The following ANK3 variants were observed in gnomAD, a reference collection of about 807,000 sequenced individuals.
The protein encoded by ANK3 is ankyrin-3.
Under a neutral mutation model 370.9 loss-of-function variants are expected in ANK3, and 57 were observed. That is an observed-to-expected ratio of 0.15 (90% CI 0.12 to 0.19). ANK3 has a LOEUF of 0.19. Ranked by LOEUF, ANK3 falls within the 10% of genes least tolerant of loss-of-function variation. The pLI is 1.00. For synonymous variants in ANK3, 1,929 were observed against 1,946.3 expected, an observed-to-expected ratio of 0.99 and a Z score of 0.23; for missense variants, 4,439 against 5,302.1, an observed-to-expected ratio of 0.84 and a Z score of 5.06.
At chr10:60,270,619 G>A (rs2097959029) in intron 4 of ANK3, among the ~76,000 whole-genome samples, 1 of 152,072 alleles carries the variant, frequency 6.6e-6, no homozygotes, top group South Asian at 2.1e-4. Context: ...AACACATTTA[G>A]TCACTGTAGC....
At chr10:60,513,899 T>A (rs531011733) in intron 2 of ANK3, among the ~76,000 whole-genome samples, 2 of 152,240 alleles carry the variant, frequency 1.3e-5, no homozygotes, top group Admixed American at 1.3e-4. Flanking sequence ...CGGACCTTTT[T>A]CAATAAAAGT....
intron 1 of ANK3, among the ~76,000 whole-genome samples, chr10:60,633,288 T>C (rs1316289459): frequency 2.0e-5 from 3 of 152,116 alleles, no homozygotes; most frequent in Non-Finnish European, 4.4e-5. Flanking sequence ...GCACATTAAA[T>C]AATGCAGAAA....
chr10:60,141,559 C>CTT (rs2094555559), intron 23 of ANK3, among the ~76,000 whole-genome samples: 4 of 61,158 alleles, frequency 6.5e-5, no homozygotes, highest in East Asian at 9.9e-4. Flanking sequence ...ATTTCAATTG[C>CTT]TGTTTTTTTT....
rs1367139240 is a variant in ANK3, at chr10:60,134,360, T to C, written c.2752A>G (p.Ser918Gly). 6.2e-7 allele frequency: 1 copy of C among 1,613,260 alleles called. No individual in the cohort carries two copies. The highest frequency in any genetic ancestry group is 8.5e-7 in the Non-Finnish European group (1 of 1,179,646). ...TTCAAGGTGTAAGACCTATCCGAAC[T>C]GAAGGAGCGGAGGCTGTTGTATTTA... ...GARSASLRSF[S>G]SDRSYTLNRS... Residue 918 changes from serine to glycine, a missense_variant, in exon 25 of 44, where the codon AGT (serine) becomes GGT (glycine). Coordinates refer to ENST00000280772, the MANE Select transcript of ANK3 (RefSeq NM_020987.5).
At chr10:60,180,203 A>G (rs2096115199) in intron 18 of ANK3, among the ~76,000 whole-genome samples, 1 of 152,196 alleles carries the variant, frequency 6.6e-6, no homozygotes, top group Non-Finnish European at 1.5e-5. Context: ...AGTTACTTCA[A>G]TATGCCCATA....
intron 1 of ANK3, among the ~76,000 whole-genome samples, chr10:60,376,053 C>T (rs952678449): frequency 1.3e-5 from 2 of 152,092 alleles, no homozygotes; most frequent in South Asian, 4.2e-4. Context: ...GGCACAGGGG[C>T]TCAGAGAGCT....
chr10:60,400,024 GTGTGTGT>G (rs1192888810), intron 2 of ANK3, among the ~76,000 whole-genome samples: 1 of 62,242 alleles, frequency 1.6e-5, no homozygotes, highest in Admixed American at 1.4e-4. Context: ...GTGTGTGTGT[GTGTGTGT>G]GTGTGTGTGT....
rs1244621699 is a variant in ANK3, at chr10:60,028,855, GTTATT to G, written c.*986_*990del. 1 of 151,016 alleles carries G rather than the reference GTTATT, an allele frequency of 6.6e-6. No individual in the cohort carries two copies. The highest frequency in any genetic ancestry group is 2.5e-5 in the African/African-American group (1 of 40,746). 9.4% of individuals were successfully genotyped at this position (151,016 alleles called of 1,614,324 possible). On this transcript the variant is annotated 3_prime_UTR_variant, in exon 44 of 44. Transcript: ENST00000280772. ...ACCCCCTAAAGCAACTACCGTATAG[GTTATT>G]TTTTTTTGTTGTTTTTAGGTCATTT... is the stretch of plus-strand genomic sequence containing the variant.
chr10:60,635,157 T>C (rs189590647), intron 1 of ANK3, among the ~76,000 whole-genome samples: 1 of 152,040 alleles, frequency 6.6e-6, no homozygotes, highest in Admixed American at 6.5e-5. Flanking sequence ...TTTATTTCAG[T>C]TTTCTTAACT....
intron 2 of ANK3, among the ~76,000 whole-genome samples, chr10:60,439,095 C>T (rs1441577991): frequency 6.6e-6 from 1 of 152,028 alleles, no homozygotes; most frequent in Non-Finnish European, 1.5e-5. Flanking sequence ...AGAGCTATTC[C>T]AAAGCTGCAG....
intron 1 of ANK3, among the ~76,000 whole-genome samples, chr10:60,348,347 CAAAA>C (rs35147179): frequency 0.035 from 2,406 of 68,172 alleles, 64 homozygotes; most frequent in Middle Eastern, 0.092. Context: ...TATCACTAGC[CAAAA>C]AAAAAAAAAA....
At chr10:60,563,629 C>T (rs1027953132) in intron 2 of ANK3, among the ~76,000 whole-genome samples, 1 of 152,066 alleles carries the variant, frequency 6.6e-6, no homozygotes, top group Non-Finnish European at 1.5e-5. Context: ...GGTTTTGCTA[C>T]CAAATGTGCT....
chr10:60,191,793 G>A (rs770914246), intron 16 of ANK3, among the ~76,000 whole-genome samples: 4 of 152,120 alleles, frequency 2.6e-5, no homozygotes, highest in South Asian at 2.1e-4. Flanking sequence ...ACTTGCACTC[G>A]TATGTTCATT....
In ANK3 at chr10:60,072,930, G is replaced by C. The variant is rs2083029348; in HGVS notation, c.7951C>G (p.Gln2651Glu). 6.2e-7 allele frequency: 1 copy of C among 1,613,968 alleles called. No individual in the cohort carries two copies. ...ASNDEWVKAR[Q>E]HGPDGQGFPK... The stretch of plus-strand genomic sequence containing the variant: ...AAGCCTTGTCCATCAGGGCCATGCT[G>C]TCTTGCCTTAACCCACTCATCATTG... Residue 2651 changes from glutamine to glutamate, a missense_variant, in exon 37 of 44, where the codon CAG (glutamine) becomes GAG (glutamate). Coordinates refer to ENST00000280772, the MANE Select transcript of ANK3 (RefSeq NM_020987.5).
intron 7 of ANK3, among the ~76,000 whole-genome samples, chr10:60,256,396 C>G (rs2097735644): frequency 6.6e-6 from 1 of 152,178 alleles, no homozygotes; most frequent in Non-Finnish European, 1.5e-5. Flanking sequence ...AGAAATCCCC[C>G]AGATAATGCT....
At chr10:60,481,061 T>C (rs1039108167) in intron 2 of ANK3, among the ~76,000 whole-genome samples, 7 of 152,164 alleles carry the variant, frequency 4.6e-5, no homozygotes, top group African/African-American at 1.4e-4. Context: ...CCCTGAGATA[T>C]TGCATCTTGT....
chr10:60,627,096 A>T (rs367863484), intron 1 of ANK3, among the ~76,000 whole-genome samples: 1 of 152,204 alleles, frequency 6.6e-6, no homozygotes, highest in Admixed American at 6.5e-5. Context: ...AATAAAAAAT[A>T]GTAAAAGGTT....
chr10:60,332,948 G>A (rs2051749233), intron 1 of ANK3, among the ~76,000 whole-genome samples: 1 of 152,162 alleles, frequency 6.6e-6, no homozygotes, highest in Non-Finnish European at 1.5e-5. Flanking sequence ...CTAACATTAA[G>A]CAAATTTTAG....
At chr10:60,081,577 T>C in intron 35 of ANK3, 1 of 407,892 alleles carries the variant, frequency 2.5e-6, no homozygotes, top group Admixed American at 3.2e-5. Flanking sequence ...GATTTATCAA[T>C]AGCTAGTAAG....
Sources: allele counts gnomAD v4.1 joint callset (sites outside exome capture counted in the v4.1 genomes callset), GRCh38; gene constraint gnomAD v4.1.1; transcripts MANE v1.5; gene names NCBI Gene and HGNC (gene_info 2026-07-23, HGNC 2026-07-21).